Variants in RTN1 observed in about 807,000 individuals in gnomAD.
RTN1 encodes reticulon 1.
A neutral mutation model predicts 65.5 loss-of-function variants in RTN1; 25 were observed. That is an observed-to-expected ratio of 0.38 (90% CI 0.28 to 0.53). The LOEUF (loss-of-function observed/expected upper bound fraction) is 0.53. Among genes scored for constraint, RTN1 ranks in the 20% least tolerant of loss-of-function variants. The probability of loss-of-function intolerance (pLI) is 0.79; values close to 1 mark genes in which losing one functional copy is unlikely to be tolerated. For missense variants in RTN1, 983 were observed against 1,025.4 expected (o/e 0.96, Z 0.57); for synonymous variants, 471 against 447.6 (o/e 1.05, Z -0.66).
At chr14:59,723,411 C>A (rs1884688737) in intron 3 of RTN1, among the ~76,000 whole-genome samples, 1 of 151,598 alleles carries the variant, frequency 6.6e-6, no homozygotes, top group Non-Finnish European at 1.5e-5. Flanking sequence ...TCAAGACCAT[C>A]CTGGCTAACA....
chr14:59,746,726 T>G (rs112470664), intron 1 of RTN1, among the ~76,000 whole-genome samples: 1 of 152,276 alleles, frequency 6.6e-6, no homozygotes, highest in East Asian at 1.9e-4. Context: ...CAGGACCAGA[T>G]AAGTTGGGGA....
At chr14:59,596,984 A>G (rs1215820841) in intron 8 of RTN1, among the ~76,000 whole-genome samples, 197 bp from the exon 9 acceptor site, 1 of 152,246 alleles carries the variant, frequency 6.6e-6, no homozygotes, top group Non-Finnish European at 1.5e-5. Context: ...TGAAAATAAC[A>G]GCAACAAAAA....
intron 3 of RTN1, among the ~76,000 whole-genome samples, chr14:59,689,277 A>G (rs1461713049): frequency 6.6e-6 from 1 of 152,224 alleles, no homozygotes; most frequent in Non-Finnish European, 1.5e-5. Flanking sequence ...GGTAATTTTA[A>G]AAAGTGAACA....
intron 3 of RTN1, among the ~76,000 whole-genome samples, chr14:59,725,023 C>T (rs1232118923): frequency 6.6e-6 from 1 of 152,132 alleles, no homozygotes; most frequent in Non-Finnish European, 1.5e-5. Context: ...AAAAGACTGC[C>T]ACACCCTCCT....
At chr14:59,742,781 G>A (rs993744980) in intron 2 of RTN1, among the ~76,000 whole-genome samples, 2 of 152,082 alleles carry the variant, frequency 1.3e-5, no homozygotes, top group Non-Finnish European at 2.9e-5. Context: ...TGTTGTCACT[G>A]GAAATGGCAG....
chr14:59,687,382 G>T (rs960789852), intron 3 of RTN1, among the ~76,000 whole-genome samples: 1 of 151,704 alleles, frequency 6.6e-6, no homozygotes, highest in Admixed American at 6.6e-5. Flanking sequence ...TGGATCAGTA[G>T]TCGGAGCCAG....
In RTN1 at chr14:59,766,758, G is replaced by A. The variant is rs1195884505; in HGVS notation, c.242-20277C>T. On this transcript the variant is annotated intron_variant, in intron 1 of 8. Coordinates refer to ENST00000267484, the MANE Select transcript of RTN1 (RefSeq NM_021136.3). The surrounding 1 kb of genome is among the most constrained non-coding windows in gnomAD (Gnocchi z 4.4). ...CTGCTATGTGCCAGTCACCATGCTC[G>A]GTGCTTAAAGTCTCAGTCATGCCAA... is the stretch of plus-strand genomic sequence containing the variant. 6.6e-6 allele frequency among the ~76,000 whole-genome samples: 1 copy of A among 151,898 alleles called. No individual in the cohort carries two copies. The highest frequency in any genetic ancestry group is 2.4e-5 in the African/African-American group (1 of 41,336).
intron 3 of RTN1, among the ~76,000 whole-genome samples, chr14:59,621,055 C>T (rs10148899): frequency 6.6e-4 from 100 of 152,316 alleles, no homozygotes; most frequent in African/African-American, 2.1e-3. Context: ...TTTCTGCATT[C>T]CAAATCTGCT....
chr14:59,646,261 G>T (rs1882894439), intron 3 of RTN1, among the ~76,000 whole-genome samples: 1 of 152,048 alleles, frequency 6.6e-6, no homozygotes, highest in African/African-American at 2.4e-5. Context: ...TACAGATAAA[G>T]AAAAAATAAT....
chr14:59,801,894 G>A (rs937563157), intron 1 of RTN1, among the ~76,000 whole-genome samples: 2 of 152,060 alleles, frequency 1.3e-5, no homozygotes, highest in Admixed American at 6.5e-5. Context: ...GGTAACACAG[G>A]AAAAAAGTAT....
At chr14:59,670,945 A>T (rs1883488669) in intron 3 of RTN1, among the ~76,000 whole-genome samples, 1 of 152,246 alleles carries the variant, frequency 6.6e-6, no homozygotes, top group African/African-American at 2.4e-5. Context: ...CATGTACAAC[A>T]TTCCTTTCAG....
In RTN1 at chr14:59,855,653, GT is replaced by G. The variant is rs1345858784; in HGVS notation, c.241+14736del. Among the ~76,000 whole-genome samples, 6 of 152,262 alleles carry G rather than the reference GT, an allele frequency of 3.9e-5. No individual in the cohort carries two copies. The East Asian group carries it at 1.2e-3, about 29-fold the overall frequency. ...GTAATTTTCCATTAAAATCTGGACA[GT>G]TTTGGTATTATGTCTTGAGACTATA... On this transcript the variant is annotated intron_variant, in intron 1 of 8. Transcript: ENST00000267484.
In RTN1 at chr14:59,774,296, G is replaced by T. The variant is rs1349795897; in HGVS notation, c.242-27815C>A. Among the ~76,000 whole-genome samples the T allele has an allele frequency of 6.6e-6, 1 of 152,074 alleles. No individual in the cohort carries two copies. Among genetic ancestry groups the T allele is most frequent in the Non-Finnish European group, 1.5e-5 (1 of 68,024 alleles). Reference sequence around the variant, plus strand: ...CCCCAAAACATTCTGCATTCCATTTGTAAGAACATGGACTCGACTCTGAAT... The same window carrying T: ...CCCCAAAACATTCTGCATTCCATTTTTAAGAACATGGACTCGACTCTGAAT... On this transcript the variant is annotated intron_variant, in intron 1 of 8. Coordinates refer to ENST00000267484, the MANE Select transcript of RTN1 (RefSeq NM_021136.3). This position sits in a 1 kb window ranked among gnomAD's most constrained non-coding sequence, Gnocchi z 5.1.
rs1322360284 is a variant in RTN1, at chr14:59,849,590, G to C, written c.241+20800C>G. On this transcript the variant is annotated intron_variant, in intron 1 of 8. Coordinates refer to ENST00000267484, the MANE Select transcript of RTN1 (RefSeq NM_021136.3). This position sits in a 1 kb window ranked among gnomAD's most constrained non-coding sequence, Gnocchi z 4.5. ...GCCCACAGGCCTGACTCAGCCCACT[G>C]ATTGATTTCATTCAGCTGGGGGTGA... is the stretch of plus-strand genomic sequence containing the variant. 6.6e-6 allele frequency among the ~76,000 whole-genome samples: 1 copy of C among 152,178 alleles called. No homozygotes were observed. The highest frequency in any genetic ancestry group is 1.5e-5 in the Non-Finnish European group (1 of 68,046).
intron 3 of RTN1, among the ~76,000 whole-genome samples, chr14:59,636,970 A>C (rs920958696): frequency 1.3e-5 from 2 of 152,184 alleles, no homozygotes; most frequent in Non-Finnish European, 2.9e-5. Context: ...TGGTTATTGA[A>C]GATTGGAGTG....
intron 3 of RTN1, among the ~76,000 whole-genome samples, chr14:59,644,255 C>T (rs1164508823): frequency 6.6e-6 from 1 of 152,206 alleles, no homozygotes; most frequent in Non-Finnish European, 1.5e-5. Context: ...AAGAAAACAA[C>T]TCAATCCACA....
At chr14:59,697,028 A>T (rs1262253384) in intron 3 of RTN1, among the ~76,000 whole-genome samples, 1 of 152,008 alleles carries the variant, frequency 6.6e-6, no homozygotes, top group Non-Finnish European at 1.5e-5. Flanking sequence ...TATGTTATTC[A>T]CCCTTCTAGA....
intron 2 of RTN1, among the ~76,000 whole-genome samples, chr14:59,732,974 T>C (rs950982941): frequency 6.6e-6 from 1 of 151,848 alleles, no homozygotes; most frequent in African/African-American, 2.4e-5. Flanking sequence ...TTTGGTCAAC[T>C]CAGCCACTCC....
chr14:59,624,256 A>G (rs903179694), intron 3 of RTN1, among the ~76,000 whole-genome samples: 1 of 152,220 alleles, frequency 6.6e-6, no homozygotes, highest in African/African-American at 2.4e-5. Context: ...TTTAAGTTGT[A>G]AAACTCCTAA....
Sources: allele counts gnomAD v4.1 joint callset (sites outside exome capture counted in the v4.1 genomes callset), GRCh38; gene constraint gnomAD v4.1.1; non-coding constraint Gnocchi (gnomAD v3.1); transcripts MANE v1.5; gene names NCBI Gene and HGNC (gene_info 2026-07-23, HGNC 2026-07-21).